Variants in HHLA2 observed in about 807,000 individuals in gnomAD.
HHLA2 encodes HHLA2 member of B7 family, also known as HERV-H LTR-associating protein 2.
HHLA2 carries 48 observed loss-of-function variants against 45.9 expected under a neutral mutation model. The ratio of observed to expected loss-of-function variants is 1.05; its 90% CI spans 0.83 to 1.33. HHLA2 has a LOEUF of 1.33. Ranked by LOEUF, HHLA2 falls within the 40% of genes most tolerant of loss-of-function variation. The pLI is 0.00. For synonymous variants in HHLA2, 161 were observed against 173.9 expected, an observed-to-expected ratio of 0.93 and a Z score of 0.59; for missense variants, 462 against 494.3, an observed-to-expected ratio of 0.93 and a Z score of 0.62.
chr3:108,336,989 G>T (rs940745687), intron 3 of HHLA2, among the ~76,000 whole-genome samples: 3 of 152,124 alleles, frequency 2.0e-5, no homozygotes, highest in African/African-American at 7.2e-5. Flanking sequence ...CAGTGTGCTG[G>T]TGGTGGTAAA....
intron 8 of HHLA2, among the ~76,000 whole-genome samples, chr3:108,364,321 A>G (rs1479168047): frequency 6.6e-6 from 1 of 152,058 alleles, no homozygotes; most frequent in East Asian, 1.9e-4. Context: ...AAGCACATGA[A>G]CTCATTCTTT....
intron 3 of HHLA2, among the ~76,000 whole-genome samples, chr3:108,331,121 G>A (rs2081379280): frequency 2.0e-5 from 3 of 152,228 alleles, no homozygotes; most frequent in African/African-American, 7.2e-5. Flanking sequence ...AGCAAACAGT[G>A]CTCTCCATTG....
At chr3:108,319,976 G>A (rs890735257) in intron 2 of HHLA2, among the ~76,000 whole-genome samples, 2 of 152,070 alleles carry the variant, frequency 1.3e-5, no homozygotes, top group African/African-American at 4.8e-5. Context: ...GTATAATGTC[G>A]ACTTTACCCA....
chr3:108,342,828 T>C (rs1312108875), intron 3 of HHLA2, among the ~76,000 whole-genome samples: 1 of 152,224 alleles, frequency 6.6e-6, no homozygotes, highest in African/African-American at 2.4e-5. Context: ...AGTGTCTCTT[T>C]GTACCTCAAA....
intron 4 of HHLA2, among the ~76,000 whole-genome samples, 185 bp downstream of exon 3, chr3:108,352,062 CTG>C (rs2081788629): frequency 6.6e-6 from 1 of 152,132 alleles, no homozygotes; most frequent in Admixed American, 6.6e-5. Flanking sequence ...TATATTTTTT[CTG>C]TCCACTCTGA....
At chr3:108,348,483 T>C (rs150132295) in intron 3 of HHLA2, among the ~76,000 whole-genome samples, 169 of 152,292 alleles carry the variant, frequency 1.1e-3, no homozygotes, top group Middle Eastern at 3.4e-3. Context: ...AAGAAATTAA[T>C]GGAGCTGAGA....
At chr3:108,377,472 C>T (rs751488325) in exon 11 of HHLA2, 87 of 572,810 alleles carry the variant, frequency 1.5e-4, no homozygotes, top group Non-Finnish European at 2.2e-4. Flanking sequence ...ATTCACTGAC[C>T]CACTACCTGC....
intron 8 of HHLA2, among the ~76,000 whole-genome samples, chr3:108,367,583 G>A (rs1005052671): frequency 4.6e-5 from 7 of 151,704 alleles, no homozygotes; most frequent in South Asian, 2.1e-4. Flanking sequence ...TAGCCGAATC[G>A]ATCAAGCAGA....
rs564800224 is a variant in HHLA2, at chr3:108,357,672, T to C, written c.686-172T>C. Among the ~76,000 whole-genome samples, 11 of 152,328 alleles carry C rather than the reference T, an allele frequency of 7.2e-5. No homozygotes were observed. The East Asian group carries it at 2.1e-3, about 29-fold the overall frequency. ...TTGGTGGGAAACTTTAAAATAGTGG[T>C]AGTAAAACTTGTCTTTTAAGAAACC... On this transcript the variant is annotated intron_variant, in intron 6 of 10. Coordinates refer to ENST00000619531, the Ensembl canonical transcript of HHLA2.
intron 3 of HHLA2, among the ~76,000 whole-genome samples, chr3:108,342,233 G>A (rs948748783): frequency 6.7e-6 from 1 of 149,564 alleles, no homozygotes; most frequent in African/African-American, 2.5e-5. Context: ...GATGCTTATC[G>A]GCTGGCTCCT....
At chr3:108,321,207 C>T (rs935969798) in intron 2 of HHLA2, among the ~76,000 whole-genome samples, 1 of 151,752 alleles carries the variant, frequency 6.6e-6, no homozygotes, top group African/African-American at 2.4e-5. Flanking sequence ...TTCCAGCTAG[C>T]ATTTTGGAAT....
intron 1 of HHLA2, among the ~76,000 whole-genome samples, chr3:108,297,106 A>C (rs2080773392): frequency 6.6e-6 from 1 of 152,250 alleles, no homozygotes; most frequent in Admixed American, 6.5e-5. Context: ...GAAGTCTCCT[A>C]GATATTTCCA....
At chr3:108,371,704 C>G (rs2082176180) in intron 8 of HHLA2, among the ~76,000 whole-genome samples, 1 of 152,048 alleles carries the variant, frequency 6.6e-6, no homozygotes, top group African/African-American at 2.4e-5. Flanking sequence ...GACTTTAAAC[C>G]AACAAAGATC....
intron 6 of HHLA2, among the ~76,000 whole-genome samples, chr3:108,356,820 AG>A (rs1312942290): frequency 7.9e-5 from 12 of 152,334 alleles, no homozygotes; most frequent in African/African-American, 2.4e-4. Flanking sequence ...TAGCTTACAA[AG>A]GGAGTGATTA....
At chr3:108,330,363 C>T (rs1468441274) in intron 3 of HHLA2, among the ~76,000 whole-genome samples, 1 of 152,118 alleles carries the variant, frequency 6.6e-6, no homozygotes, top group Non-Finnish European at 1.5e-5. Flanking sequence ...AATGTACACA[C>T]TATGTAATTC....
chr3:108,297,485 T>C (rs1044446834), intron 1 of HHLA2, among the ~76,000 whole-genome samples: 15 of 152,240 alleles, frequency 9.9e-5, no homozygotes, highest in Admixed American at 9.8e-4. Flanking sequence ...TATATTTTTC[T>C]CAGAGCCAGT....
chr3:108,332,315 A>C (rs2081399495), intron 3 of HHLA2, among the ~76,000 whole-genome samples: 1 of 152,204 alleles, frequency 6.6e-6, no homozygotes. Context: ...CTTTGCAAAA[A>C]GGCATTATTG....
At chr3:108,350,291 C>T (rs1378386931) in intron 3 of HHLA2, among the ~76,000 whole-genome samples, 2 of 152,134 alleles carry the variant, frequency 1.3e-5, no homozygotes, top group African/African-American at 4.8e-5. Flanking sequence ...ATAACTTTGT[C>T]ATATTGCAAA....
Position 108,357,882 on chromosome 3 carries a change from T to C in HHLA2, c.724T>C (p.Ser242Pro), listed in dbSNP as rs779908643. The change falls in exon 7 of 11, where the codon TCA becomes CCA. Residue 242 changes from serine (S) to proline (P), a missense_variant. Physicochemically the swap from Ser to Pro is moderately conservative, Grantham distance 74. Coordinates refer to ENST00000619531, the Ensembl canonical transcript of HHLA2. ...AATGCAAAGTGAACACGTTTCACTC[T>C]CATGTCAACCTGTAAATGATTATTT... is the stretch of plus-strand genomic sequence containing the variant. 2.2e-5 allele frequency: 36 copies of C among 1,613,290 alleles called. No homozygotes were observed. The South Asian group carries it at 3.6e-4, about 16-fold the overall frequency.
Sources: gnomAD v4.1 joint callset for allele counts (sites outside exome capture counted in the v4.1 genomes callset) on GRCh38, gnomAD v4.1.1 for gene constraint, MANE v1.5 for transcripts, NCBI Gene and HGNC (gene_info 2026-07-23, HGNC 2026-07-21) for gene names.